The following MIB2 variants were observed in gnomAD, a reference collection of about 807,000 sequenced individuals.
MIB2 encodes the protein E3 ubiquitin-protein ligase MIB2.
Under a neutral mutation model 96.6 loss-of-function variants are expected in MIB2, and 78 were observed. That is an observed-to-expected ratio of 0.81 (90% CI 0.67 to 0.97). MIB2 has a LOEUF of 0.97. Among genes scored for constraint, MIB2 ranks in the 50% least tolerant of loss-of-function variants. The pLI, the probability that MIB2 is intolerant of heterozygous loss-of-function variation, is 0.00. For missense variants in MIB2, 1,543 were observed against 1,424.0 expected (o/e 1.08, Z -1.35); for synonymous variants, 820 against 629.5 (o/e 1.30, Z -4.53).
At chr1:1,616,650 A>G (rs1336762678) in intron 2 of MIB2, 36 bp downstream of exon 2, 6 of 1,517,818 alleles carry the variant, frequency 4.0e-6, no homozygotes, top group Non-Finnish European at 5.3e-6. Flanking sequence ...GATAGTTTGC[A>G]CTTGGCTCTC....
At position 1,628,315 on chromosome 1, in the gene MIB2, C is replaced by T. The variant is rs372585507; in HGVS notation, c.1884C>T (p.Asp628=). 21 of 1,612,776 alleles carry T rather than the reference C, an allele frequency of 1.3e-5. No individual in the cohort carries two copies. The highest frequency in any genetic ancestry group is 2.7e-5 in the African/African-American group (2 of 74,928). ...TGGCTCGGGCGCGGCAGCTGGTGGA[C>T]GCCAAGAAGGAGGACGGCTTCACGG... ...KILARARQLV[D]AKKEDGFTAL... Residue 628 remains aspartate (D), a synonymous_variant, in exon 15 of 20, where the codon GAC becomes GAT. Transcript: ENST00000355826.
At position 1,625,419 on chromosome 1, in the gene MIB2, G is replaced by C. The variant is rs1644652538; in HGVS notation, c.855G>C (p.Arg285Ser). The change falls in exon 7 of 20, where the codon AGG becomes AGC. Residue 285 changes from arginine to serine, a missense_variant. Transcript: ENST00000355826. The surrounding 1 kb of genome is among the most constrained non-coding windows in gnomAD (Gnocchi z 5.0). Reference protein sequence around the residue: ...MQEGHGGWNPRMAEFIGQTGT... With the variant: ...MQEGHGGWNPSMAEFIGQTGT... Reference sequence around the variant, plus strand: ...AAGGCCACGGCGGCTGGAACCCCAGGATGGCGGAGGTGAGCCGCCCCGCCG... The same window carrying C: ...AAGGCCACGGCGGCTGGAACCCCAGCATGGCGGAGGTGAGCCGCCCCGCCG... 6.4e-7 allele frequency: 1 copy of C among 1,572,136 alleles called. No homozygotes were observed. Among genetic ancestry groups the C allele is most frequent in the Non-Finnish European group, 8.6e-7 (1 of 1,161,034 alleles).
At position 1,625,574 on chromosome 1, in the gene MIB2, G is replaced by A. The variant is rs750408365; in HGVS notation, c.893G>A (p.Arg298His). 1.4e-5 allele frequency: 22 copies of A among 1,584,944 alleles called. No individual in the cohort carries two copies. Among genetic ancestry groups the A allele is most frequent in the Admixed American group, 1.8e-5 (1 of 56,120 alleles). ...EFIGQTGTVH[R>H]ITDRGDVRVQ... Reference sequence around the variant, plus strand: ...ATCGGACAGACGGGCACCGTGCATCGTATCACGGACCGCGGGGACGTGCGC... The same window carrying A: ...ATCGGACAGACGGGCACCGTGCATCATATCACGGACCGCGGGGACGTGCGC... Residue 298 changes from arginine to histidine, a missense_variant, in exon 8 of 20, where the codon CGT (arginine) becomes CAT (histidine). Physicochemically the swap from Arg to His is conservative, Grantham distance 29 (BLOSUM62 0). Coordinates refer to ENST00000355826, the MANE Select transcript of MIB2 (RefSeq NM_001170687.4). The surrounding 1 kb of genome is among the most constrained non-coding windows in gnomAD (Gnocchi z 5.0).
chr1:1,621,788 C>CGGGGCACGGATCG (rs551963971), intron 2 of MIB2, among the ~76,000 whole-genome samples: 3 of 152,214 alleles, frequency 2.0e-5, no homozygotes, highest in South Asian at 2.1e-4. Context: ...AACTCGCAGC[C>CGGGGCACGGATCG]GGGGCACGGA....
Position 1,629,212 on chromosome 1 carries a change from C to A in MIB2, c.2282C>A (p.Ala761Asp). 1 of 1,531,578 alleles carries A rather than the reference C, an allele frequency of 6.5e-7. No individual in the cohort carries two copies. Among genetic ancestry groups the A allele is most frequent in the Admixed American group, 1.9e-5 (1 of 51,528 alleles). The allele number at this position is 1,531,578 out of a possible 1,614,324, so 94.9% of individuals were successfully genotyped here. A position where few individuals can be genotyped will look rare whatever the true frequency, so the allele number is the denominator to read the frequency against. The stretch of plus-strand genomic sequence containing the variant: ...GCCTGCTTCCTGGCGCTGGAGGGCG[C>A]CGACGTGAGCTACACCAACCACCGC... ...AVACFLALEG[A>D]DVSYTNHRGR... The change falls in exon 17 of 20, where the codon GCC becomes GAC. Residue 761 changes from alanine (A) to aspartate (D), a missense_variant. Transcript: ENST00000355826.
upstream of MIB2, chr1:1,615,358 G>A (rs1251981363): frequency 7.1e-6 from 10 of 1,408,434 alleles, no homozygotes; most frequent in East Asian, 1.7e-4. Context: ...AGGCTAAGCC[G>A]CTCGGAACCT....
At chr1:1,617,713 G>A (rs1643883183) in intron 2 of MIB2, 1 of 152,164 alleles carries the variant, frequency 6.6e-6, no homozygotes, top group South Asian at 2.1e-4. Context: ...TGTGTGCTCT[G>A]AGGTAAGTTC....
chr1:1,630,271 C>T, intron 19 of MIB2, 21 bp from the exon 20 acceptor site: 1 of 1,346,128 alleles, frequency 7.4e-7, no homozygotes, highest in Non-Finnish European at 1.0e-6. Context: ...TCCCAGCTCA[C>T]ACCCGTCCCC....
At chr1:1,620,382 C>T (rs183211937) in intron 2 of MIB2, among the ~76,000 whole-genome samples, 2 of 152,304 alleles carry the variant, frequency 1.3e-5, no homozygotes, top group East Asian at 3.9e-4. Context: ...CCCCTACTAG[C>T]AAAGACCTCC....
In MIB2 at chr1:1,626,558, C is replaced by T. The variant is rs1472304947; in HGVS notation, c.973-92C>T. ...CCGGGGCCGAGTCAGGCCTGCCTGT[C>T]TCGTGGAGCTCAGCAGGTTGCCCTC... On this transcript the variant is annotated intron_variant, in intron 8 of 19. Transcript: ENST00000355826. This position sits in a 1 kb window ranked among gnomAD's most constrained non-coding sequence, Gnocchi z 5.3. 1.8e-6 allele frequency: 2 copies of T among 1,124,206 alleles called. No homozygotes were observed. The highest frequency in any genetic ancestry group is 2.5e-6 in the Non-Finnish European group (2 of 806,428). The allele number at this position is 1,124,206 out of a possible 1,614,324, so 69.6% of individuals were successfully genotyped here. A position where few individuals can be genotyped will look rare whatever the true frequency, so the allele number is the denominator to read the frequency against.
intron 16 of MIB2, 68 bp downstream of exon 16, chr1:1,628,790 C>A: frequency 7.7e-7 from 1 of 1,295,018 alleles, no homozygotes; most frequent in Non-Finnish European, 1.0e-6. Flanking sequence ...TGGGCAGGGC[C>A]TGTGCCACTG....
intron 4 of MIB2, 78 bp downstream of exon 4, chr1:1,624,023 T>C (rs1400486574): frequency 2.1e-6 from 3 of 1,463,188 alleles, no homozygotes; most frequent in Admixed American, 2.1e-5. Context: ...TCGGGGAGGG[T>C]GCTGCCTCCT....
chr1:1,630,341 G>C lies in MIB2; in HGVS notation c.2679G>C (p.Gln893His). 2 of 1,530,996 alleles carry C rather than the reference G, an allele frequency of 1.3e-6. No homozygotes were observed. The highest frequency in any genetic ancestry group is 1.8e-6 in the Non-Finnish European group (2 of 1,141,844). 94.8% of individuals were successfully genotyped at this position (1,530,996 alleles called of 1,614,324 possible). Residue 893 changes from glutamine to histidine, a missense_variant, in exon 20 of 20, where the codon CAG (glutamine) becomes CAC (histidine). By Grantham distance (24) the Gln-to-His change is conservative. Coordinates refer to ENST00000355826, the MANE Select transcript of MIB2 (RefSeq NM_001170687.4). ...SAAPAPGPPR[Q>H]LVEELQSRYR... ...CCCCCGCCCCCGGCCCGCCGCGCCA[G>C]CTGGTGGAGGAGCTGCAGAGCCGCT...
Position 1,625,284 on chromosome 1 carries a change from A to C in MIB2, c.722-2A>C. On this transcript the variant is annotated splice_acceptor_variant, in intron 6 of 19. Coordinates refer to ENST00000355826, the MANE Select transcript of MIB2 (RefSeq NM_001170687.4). LOFTEE classifies it high-confidence loss of function. This position sits in a 1 kb window ranked among gnomAD's most constrained non-coding sequence, Gnocchi z 5.0. ...TGAGGCCTGGTCTGCCACCCTCCGCAGGCAAGCCGGCGGAGCTGCAGCGCA... is the reference window on the plus strand; with the variant it reads ...TGAGGCCTGGTCTGCCACCCTCCGCCGGCAAGCCGGCGGAGCTGCAGCGCA... The C allele has an allele frequency of 6.3e-7, 1 of 1,591,804 alleles. No homozygotes were observed.
At chr1:1,619,783 G>T (rs2100362418) in intron 2 of MIB2, among the ~76,000 whole-genome samples, 2 of 152,318 alleles carry the variant, frequency 1.3e-5, no homozygotes, top group South Asian at 4.1e-4. Context: ...AAGAAGTGAG[G>T]CCAGGGAGGA....
chr1:1,623,265 G>T (rs972308906), intron 2 of MIB2, 166 bp from the exon 3 acceptor site: 2 of 1,186,482 alleles, frequency 1.7e-6, no homozygotes, highest in South Asian at 1.7e-5. Context: ...GCCAGACTGC[G>T]GGCCTCCTTG....
At position 1,625,278 on chromosome 1, in the gene MIB2, C is replaced by A; in HGVS notation, c.722-8C>A. 1 of 1,593,956 alleles carries A rather than the reference C, an allele frequency of 6.3e-7. No homozygotes were observed. The highest frequency in any genetic ancestry group is 2.3e-5 in the East Asian group (1 of 43,938). Reference sequence around the variant, plus strand: ...GCTGCCTGAGGCCTGGTCTGCCACCCTCCGCAGGCAAGCCGGCGGAGCTGC... The same window carrying A: ...GCTGCCTGAGGCCTGGTCTGCCACCATCCGCAGGCAAGCCGGCGGAGCTGC... On this transcript the variant is annotated splice_region_variant and splice_polypyrimidine_tract_variant and intron_variant, in intron 6 of 19. Coordinates refer to ENST00000355826, the MANE Select transcript of MIB2 (RefSeq NM_001170687.4). The surrounding 1 kb of genome is among the most constrained non-coding windows in gnomAD (Gnocchi z 5.0).
In MIB2 at chr1:1,626,570, A is replaced by G; in HGVS notation, c.973-80A>G. ...CAGGCCTGCCTGTCTCGTGGAGCTC[A>G]GCAGGTTGCCCTCCTGTTGCATGAG... On this transcript the variant is annotated intron_variant, in intron 8 of 19. Transcript: ENST00000355826. This position sits in a 1 kb window ranked among gnomAD's most constrained non-coding sequence, Gnocchi z 5.3. 8.2e-7 allele frequency: 1 copy of G among 1,217,212 alleles called. No homozygotes were observed. The highest frequency in any genetic ancestry group is 1.6e-5 in the South Asian group (1 of 64,218). The allele number at this position is 1,217,212 out of a possible 1,614,324, so 75.4% of individuals were successfully genotyped here.
rs1253138600 is a variant in MIB2 at position 1,625,355 on chromosome 1, A to G, written c.791A>G (p.Lys264Arg). 5 of 1,584,070 alleles carry G rather than the reference A, an allele frequency of 3.2e-6. No individual in the cohort carries two copies. The highest frequency in any genetic ancestry group is 1.8e-5 in the Admixed American group (1 of 55,680). The stretch of plus-strand genomic sequence containing the variant: ...CCCTTCCAGCACGGGGACAAGGTCA[A>G]GTGTCTGCTGGACACTGATGTCCTG... ...SQPFQHGDKV[K>R]CLLDTDVLRE... Residue 264 changes from lysine (K) to arginine (R), a missense_variant, in exon 7 of 20, where the codon AAG becomes AGG. Coordinates refer to ENST00000355826, the MANE Select transcript of MIB2 (RefSeq NM_001170687.4). The surrounding 1 kb of genome is among the most constrained non-coding windows in gnomAD (Gnocchi z 5.0).
Sources: gnomAD v4.1 joint callset for allele counts (sites outside exome capture counted in the v4.1 genomes callset) on GRCh38, gnomAD v4.1.1 for gene constraint, Gnocchi (gnomAD v3.1) non-coding constraint, MANE v1.5 for transcripts, NCBI Gene and HGNC (gene_info 2026-07-23, HGNC 2026-07-21) for gene names.